GPR158: variants seen among roughly 807,000 people sequenced by gnomAD.
The protein encoded by GPR158 is metabotropic glycine receptor.
Under a neutral mutation model 78.2 loss-of-function variants are expected in GPR158, and 30 were observed. That is an observed-to-expected ratio of 0.38 (90% CI 0.29 to 0.52). GPR158 has a LOEUF of 0.52. Among genes scored for constraint, GPR158 ranks in the 20% least tolerant of loss-of-function variants. The pLI is 0.83. For missense variants in GPR158, 1,463 were observed against 1,523.5 expected, an observed-to-expected ratio of 0.96 and a Z score of 0.66; for synonymous variants, 581 against 591.1, an observed-to-expected ratio of 0.98 and a Z score of 0.25.
At chr10:25,206,077 C>T (rs1309931151) in intron 1 of GPR158, among the ~76,000 whole-genome samples, 1 of 151,728 alleles carries the variant, frequency 6.6e-6, no homozygotes, top group Non-Finnish European at 1.5e-5. Flanking sequence ...ACTCTGCCTC[C>T]CAGGTTCATG....
At chr10:25,291,978 A>G (rs1854443673) in intron 2 of GPR158, among the ~76,000 whole-genome samples, 1 of 152,138 alleles carries the variant, frequency 6.6e-6, no homozygotes, top group Non-Finnish European at 1.5e-5. Context: ...TACTGTAGTC[A>G]CGGGGAGTTT....
chr10:25,386,091 G>A (rs113865653), intron 2 of GPR158, among the ~76,000 whole-genome samples: 8 of 152,148 alleles, frequency 5.3e-5, no homozygotes, highest in Non-Finnish European at 8.8e-5. Context: ...ATAGTTTTAG[G>A]TGTTATGTTT....
intron 5 of GPR158, among the ~76,000 whole-genome samples, chr10:25,517,436 C>T (rs1836194209): frequency 6.6e-6 from 1 of 152,010 alleles, no homozygotes; most frequent in African/African-American, 2.4e-5. Flanking sequence ...GAGAGGGCAT[C>T]CCTGTCTTGT....
At chr10:25,555,194 TG>T (rs1836772093) in intron 6 of GPR158, among the ~76,000 whole-genome samples, 1 of 152,150 alleles carries the variant, frequency 6.6e-6, no homozygotes. Flanking sequence ...AGGATTGACT[TG>T]GCGATGTGGG....
At chr10:25,184,098 C>T (rs377244286) in intron 1 of GPR158, among the ~76,000 whole-genome samples, 34 of 152,222 alleles carry the variant, frequency 2.2e-4, no homozygotes, top group African/African-American at 7.0e-4. Flanking sequence ...GTCTCTTCAA[C>T]GACAAAGTTC....
Position 25,241,271 on chromosome 10 carries a change from C to T in GPR158, c.1008+20114C>T, listed in dbSNP as rs11014465. Reference sequence around the variant, plus strand: ...TTTCCTTTCTTTCCTTTCTTTCTTTCCTTTCTTTCTTTCTTTTCTTTTCTT... The same window carrying T: ...TTTCCTTTCTTTCCTTTCTTTCTTTTCTTTCTTTCTTTCTTTTCTTTTCTT... On this transcript the variant is annotated intron_variant, in intron 2 of 10. Coordinates refer to ENST00000376351, the MANE Select transcript of GPR158 (RefSeq NM_020752.3). Among the ~76,000 whole-genome samples, 246 of 75,174 alleles carry T rather than the reference C, an allele frequency of 3.3e-3. 7 individuals are homozygous for T. Among genetic ancestry groups the T allele is most frequent in the African/African-American group, 0.012 (225 of 18,676 alleles). 49.3% of individuals were successfully genotyped at this position (75,174 alleles called of 152,430 possible).
chr10:25,582,126 C>T (rs61379839), intron 7 of GPR158, among the ~76,000 whole-genome samples: 9,576 of 152,168 alleles, frequency 0.063, 375 homozygotes, highest in South Asian at 0.17. Context: ...GGGGGTCTCT[C>T]CCACAACACA....
chr10:25,422,935 T>G (rs981002481), intron 4 of GPR158, among the ~76,000 whole-genome samples: 7 of 149,600 alleles, frequency 4.7e-5, no homozygotes, highest in Non-Finnish European at 7.4e-5. Context: ...CTCCCAGTTA[T>G]GAGTGAGAAC....
chr10:25,200,746 T>C (rs753146417), intron 1 of GPR158, among the ~76,000 whole-genome samples: 1 of 152,166 alleles, frequency 6.6e-6, no homozygotes, highest in Non-Finnish European at 1.5e-5. Flanking sequence ...GCACCATTTA[T>C]TAAATAGGAA....
chr10:25,544,219 C>A (rs914911205), intron 5 of GPR158, among the ~76,000 whole-genome samples: 1 of 152,034 alleles, frequency 6.6e-6, no homozygotes, highest in Non-Finnish European at 1.5e-5. Context: ...CTGTGGCCAA[C>A]AAATTCAATG....
intron 2 of GPR158, among the ~76,000 whole-genome samples, chr10:25,367,971 C>A (rs191127179): frequency 6.6e-6 from 1 of 151,766 alleles, no homozygotes; most frequent in Non-Finnish European, 1.5e-5. Context: ...TGAGGGCTGC[C>A]CCTGTTGCCT....
chr10:25,303,026 C>T (rs777786820), intron 2 of GPR158, among the ~76,000 whole-genome samples: 2 of 152,142 alleles, frequency 1.3e-5, no homozygotes, highest in Non-Finnish European at 2.9e-5. Context: ...GGCAAAGACT[C>T]TCATGGTGCC....
Position 25,597,951 on chromosome 10 carries a change from G to A in GPR158, c.2325G>A (p.Glu775=), listed in dbSNP as rs779410789. 3.1e-6 allele frequency: 5 copies of A among 1,613,950 alleles called. No individual in the cohort carries two copies. The South Asian group carries it at 3.3e-5, about 11-fold the overall frequency. Residue 775 remains glutamate (E), a synonymous_variant, in exon 11 of 11, where the codon GAG becomes GAA. Coordinates refer to ENST00000376351, the MANE Select transcript of GPR158 (RefSeq NM_020752.3). ...GGCAGTGCTCTAAAGAGGACAAGGA[G>A]GGCGCCGACCATGGCACAGCCAAAG... ...VSRQCSKEDK[E]GADHGTAKGT...
chr10:25,466,210 C>T (rs1835420232), intron 4 of GPR158: 1 of 153,436 alleles, frequency 6.5e-6, no homozygotes, highest in South Asian at 2.1e-4. Flanking sequence ...AATCTTGCCA[C>T]CGCACACTCT....
intron 2 of GPR158, among the ~76,000 whole-genome samples, chr10:25,272,806 C>G (rs1052590581): frequency 2.5e-4 from 38 of 152,166 alleles, no homozygotes; most frequent in Non-Finnish European, 1.5e-5. Context: ...AATAGAACAG[C>G]AAATGTTCCT....
rs547850262 is a variant in GPR158 at position 25,350,486 on chromosome 10, A to G, written c.1009-45425A>G. On this transcript the variant is annotated intron_variant, in intron 2 of 10. Transcript: ENST00000376351. ...CCTGCCCCTTACATGTGAACATAGT[A>G]TCGAAGGTCATATTTGTGGAGCTAC... Among the ~76,000 whole-genome samples, 14 of 152,124 alleles carry G rather than the reference A, an allele frequency of 9.2e-5. No individual in the cohort carries two copies. The South Asian group carries it at 2.9e-3, about 32-fold the overall frequency.
At chr10:25,574,447 G>A (rs750961704) in intron 7 of GPR158, among the ~76,000 whole-genome samples, 1 of 152,148 alleles carries the variant, frequency 6.6e-6, no homozygotes, top group African/African-American at 2.4e-5. Flanking sequence ...AAAGTTAGGT[G>A]GTGAAGATTC....
rs1282738726 is a variant in GPR158 at position 25,203,783 on chromosome 10, A to C, written c.903-17269A>C. Among the ~76,000 whole-genome samples the C allele has an allele frequency of 7.6e-5, 11 of 144,046 alleles. 1 individual carries two copies. Among genetic ancestry groups the C allele is most frequent in the South Asian group, 2.4e-4 (1 of 4,248 alleles). The allele number at this position is 144,046 out of a possible 152,430, so 94.5% of individuals were successfully genotyped here. On this transcript the variant is annotated intron_variant, in intron 1 of 10. Transcript: ENST00000376351. ...ATGAACTTTAAAGTAGTTTTTTTTC[A>C]AATTCTGTGAAGAAAGTCATTGGTA... is the stretch of plus-strand genomic sequence containing the variant.
chr10:25,458,934 A>G (rs1835323789), intron 4 of GPR158, among the ~76,000 whole-genome samples: 1 of 152,190 alleles, frequency 6.6e-6, no homozygotes, highest in Admixed American at 6.5e-5. Context: ...ATTTTATATA[A>G]TTGTGCCTTG....
Sources: allele counts gnomAD v4.1 joint callset (sites outside exome capture counted in the v4.1 genomes callset), GRCh38; gene constraint gnomAD v4.1.1; transcripts MANE v1.5; gene names NCBI Gene and HGNC (gene_info 2026-07-23, HGNC 2026-07-21).